RALGPS1: variants seen among roughly 807,000 people sequenced by gnomAD.
RALGPS1 encodes the protein Ral GEF with PH domain and SH3 binding motif 1.
In RALGPS1, 19 loss-of-function variants were observed where a neutral mutation model predicts 78.8. That is an observed-to-expected ratio of 0.24 (90% CI 0.17 to 0.35). The LOEUF is 0.35. RALGPS1 is among the 10% of genes least tolerant of loss of function. The pLI is 1.00. For synonymous variants in RALGPS1, 228 were observed against 256.3 expected (o/e 0.89, Z 1.06); for missense variants, 454 against 688.3 (o/e 0.66, Z 3.81).
intron 8 of RALGPS1, among the ~76,000 whole-genome samples, chr9:127,078,415 A>G (rs2050873453): frequency 6.6e-6 from 1 of 152,214 alleles, no homozygotes. Context: ...AGCTTGACTC[A>G]TGACTTACCC....
At chr9:127,174,347 G>T (rs1050506483) in intron 10 of RALGPS1, among the ~76,000 whole-genome samples, 1 of 152,090 alleles carries the variant, frequency 6.6e-6, no homozygotes, top group East Asian at 1.9e-4. Flanking sequence ...AACTAACTCT[G>T]GTTCAGGGTC....
rs542409791 is a variant in RALGPS1 at position 127,166,462 on chromosome 9, G to A, written c.748+256G>A. Among the ~76,000 whole-genome samples, 7 of 152,124 alleles carry A rather than the reference G, an allele frequency of 4.6e-5. No homozygotes were observed. In the East Asian group the frequency reaches 7.7e-4, roughly 17 times the overall value. On this transcript the variant is annotated intron_variant, in intron 9 of 18. Coordinates refer to ENST00000259351, the MANE Select transcript of RALGPS1 (RefSeq NM_014636.3). ...TTTAGTCACTTGTCCACAATCACGC[G>A]TCTAGTGAGTGGCAGAGCTCAGGTC...
chr9:127,200,551 A>G (rs2061578295), intron 14 of RALGPS1, among the ~76,000 whole-genome samples: 1 of 152,342 alleles, frequency 6.6e-6, no homozygotes. Context: ...GGACTGTCCC[A>G]TATTGGTCAG....
At chr9:126,920,803 C>T (rs943455127) in intron 1 of RALGPS1, among the ~76,000 whole-genome samples, 2 of 152,142 alleles carry the variant, frequency 1.3e-5, no homozygotes, top group Non-Finnish European at 2.9e-5. Flanking sequence ...GGAGAAGTCA[C>T]CCACAAACAG....
At chr9:127,060,329 T>C (rs892809629) in intron 7 of RALGPS1, among the ~76,000 whole-genome samples, 1 of 152,160 alleles carries the variant, frequency 6.6e-6, no homozygotes, top group Non-Finnish European at 1.5e-5. Context: ...ATGACCTGCA[T>C]TTGTGTGGGG....
At chr9:127,207,338 A>G (rs556719095) in intron 14 of RALGPS1, among the ~76,000 whole-genome samples, 3 of 152,170 alleles carry the variant, frequency 2.0e-5, no homozygotes, top group African/African-American at 2.4e-5. Context: ...GCAAGCCTCA[A>G]TTGCCTGTTG....
rs1214518382 is a variant in RALGPS1, at chr9:127,058,377, G to A, written c.483+5438G>A. Among the ~76,000 whole-genome samples the A allele has an allele frequency of 3.3e-5, 5 of 152,300 alleles. No individual in the cohort carries two copies. In the East Asian group the frequency reaches 9.6e-4, roughly 29 times the overall value. On this transcript the variant is annotated intron_variant, in intron 7 of 18. Transcript: ENST00000259351. ...TGTGTTTTTAATTACTGTTGCTACT[G>A]TGTGGAAAACAAACTGGGTGGGGGA...
At chr9:127,084,749 T>C (rs1272810344) in intron 8 of RALGPS1, among the ~76,000 whole-genome samples, 3 of 152,254 alleles carry the variant, frequency 2.0e-5, no homozygotes, top group African/African-American at 7.2e-5. Context: ...CATCAACTAA[T>C]GCTGGAGAGC....
intron 8 of RALGPS1, among the ~76,000 whole-genome samples, chr9:127,117,052 G>A (rs767745074): frequency 4.6e-5 from 7 of 152,200 alleles, no homozygotes; most frequent in Non-Finnish European, 8.8e-5. Flanking sequence ...TCATGTCAGC[G>A]TCCTGCTTAA....
chr9:127,155,898 CT>C (rs11322458), intron 8 of RALGPS1, among the ~76,000 whole-genome samples: 81,849 of 148,098 alleles, frequency 0.55, 23,041 homozygotes, highest in East Asian at 0.72. Context: ...AAATATCTTG[CT>C]TTTTTTTTTT....
chr9:127,180,749 C>T (rs1327181018), intron 11 of RALGPS1, among the ~76,000 whole-genome samples: 1 of 152,244 alleles, frequency 6.6e-6, no homozygotes, highest in East Asian at 1.9e-4. Context: ...CACCCCAGAA[C>T]CTAAGGGCAT....
intron 4 of RALGPS1, chr9:126,990,021 T>C (rs1262041826): frequency 1.3e-6 from 2 of 1,549,416 alleles, no homozygotes; most frequent in Non-Finnish European, 1.7e-6. Flanking sequence ...GCCTTTTGTC[T>C]GGATGCCGTT....
chr9:127,025,199 G>A (rs866437593), intron 4 of RALGPS1, among the ~76,000 whole-genome samples: 3 of 152,086 alleles, frequency 2.0e-5, no homozygotes, highest in Non-Finnish European at 2.9e-5. Context: ...GTTGACATTC[G>A]TGTACGCTGA....
At chr9:127,005,397 G>A (rs906767157) in intron 4 of RALGPS1, among the ~76,000 whole-genome samples, 5 of 152,172 alleles carry the variant, frequency 3.3e-5, no homozygotes, top group African/African-American at 1.2e-4. Context: ...GCTTTCTCTG[G>A]CAATACTTCT....
At chr9:127,201,741 A>G (rs1440783541) in intron 14 of RALGPS1, among the ~76,000 whole-genome samples, 1 of 152,044 alleles carries the variant, frequency 6.6e-6, no homozygotes, top group East Asian at 1.9e-4. Context: ...CCCAGGCCAA[A>G]TCCTCCTACT....
intron 5 of RALGPS1, among the ~76,000 whole-genome samples, chr9:127,044,456 A>G (rs1196222755): frequency 6.6e-6 from 1 of 152,022 alleles, no homozygotes; most frequent in Non-Finnish European, 1.5e-5. Context: ...GGGTTTCTCC[A>G]TGTTGCTCAG....
intron 1 of RALGPS1, among the ~76,000 whole-genome samples, chr9:126,934,443 C>T (rs889461031): frequency 1.3e-5 from 2 of 152,142 alleles, no homozygotes; most frequent in African/African-American, 2.4e-5. Context: ...GCGGTCATGC[C>T]GTGTGGGCAC....
chr9:127,055,848 G>A (rs1220395094), intron 7 of RALGPS1, among the ~76,000 whole-genome samples: 1 of 152,174 alleles, frequency 6.6e-6, no homozygotes, highest in East Asian at 1.9e-4. Flanking sequence ...TGAAAATAAG[G>A]TTGGTAGACT....
intron 1 of RALGPS1, among the ~76,000 whole-genome samples, chr9:126,952,236 G>A (rs2037891628): frequency 6.6e-6 from 1 of 152,170 alleles, no homozygotes; most frequent in African/African-American, 2.4e-5. Flanking sequence ...TGGAGGCCTA[G>A]CCCCACATGG....
Sources: gnomAD v4.1 joint callset for allele counts (sites outside exome capture counted in the v4.1 genomes callset) on GRCh38, gnomAD v4.1.1 for gene constraint, MANE v1.5 for transcripts, NCBI Gene and HGNC (gene_info 2026-07-23, HGNC 2026-07-21) for gene names.